The following IGFN1 variants were observed in gnomAD, a reference collection of about 807,000 sequenced individuals.
The protein encoded by IGFN1 is immunoglobulin like and fibronectin type III domain containing 1.
In IGFN1, 253 loss-of-function variants were observed where a neutral mutation model predicts 289.5. The observed-to-expected ratio is 0.87, with a 90% CI of 0.79 to 0.97. IGFN1 has a LOEUF of 0.97. Ranked by LOEUF, IGFN1 falls within the 50% of genes least tolerant of loss-of-function variation. IGFN1 has a pLI of 0.00. For missense variants in IGFN1, 4,470 were observed against 4,686.1 expected (o/e 0.95, Z 1.35); for synonymous variants, 1,706 against 1,788.5 (o/e 0.95, Z 1.16).
In IGFN1 at chr1:201,226,114, C is replaced by T. The variant is rs377747281; in HGVS notation, c.10777C>T (p.Arg3593Trp). Reference protein sequence around the residue: ...SDTSQPWCIPRQRDRFTVKAP... With the variant: ...SDTSQPWCIPWQRDRFTVKAP... ...CACCAGCCAGCCCTGGTGCATCCCC[C>T]GGCAGCGCGGTAAGCAGCCCCTGAG... Residue 3593 changes from arginine (R) to tryptophan (W), a missense_variant, in exon 22 of 24, where the codon CGG (arginine) becomes TGG (tryptophan). Coordinates refer to ENST00000335211, the MANE Select transcript of IGFN1 (RefSeq NM_001164586.2). The T allele has an allele frequency of 1.2e-4, 189 of 1,592,172 alleles. No homozygotes were observed. Among genetic ancestry groups the T allele is most frequent in the Non-Finnish European group, 1.6e-4 (183 of 1,167,386 alleles).
chr1:201,199,318 T>A lies in IGFN1; in HGVS notation c.368-16T>A. 1 of 1,551,608 alleles carries A rather than the reference T, an allele frequency of 6.4e-7. No homozygotes were observed. The highest frequency in any genetic ancestry group is 8.7e-7 in the Non-Finnish European group (1 of 1,146,692). The stretch of plus-strand genomic sequence containing the variant: ...TGTCCACATCGACTCCTTCCTCTCC[T>A]CCCTGGATGTTGCAGTTGGCTTTCG... On this transcript the variant is annotated splice_polypyrimidine_tract_variant and intron_variant, in intron 5 of 23. Coordinates refer to ENST00000335211, the MANE Select transcript of IGFN1 (RefSeq NM_001164586.2).
At chr1:201,194,363 G>T in intron 3 of IGFN1, 90 bp downstream of exon 3, 2 of 1,426,900 alleles carry the variant, frequency 1.4e-6, no homozygotes, top group Non-Finnish European at 1.9e-6. Context: ...CCTTCCTGGG[G>T]ACCCAGGCCC....
intron 3 of IGFN1, among the ~76,000 whole-genome samples, chr1:201,194,525 G>C (rs563717809): frequency 6.6e-6 from 1 of 152,324 alleles, no homozygotes; most frequent in Non-Finnish European, 1.5e-5. Context: ...GAAATATCTG[G>C]GGGGCAGGGA....
In IGFN1 at chr1:201,214,229, G is replaced by T; in HGVS notation, c.8781G>T (p.Gly2927=). Residue 2927 remains glycine (G), a synonymous_variant, in exon 13 of 24, where the codon GGG becomes GGT. Transcript: ENST00000335211. ...TGGCTGACATGGAAGTGCAGCCGGGGGAGGCCGCCACACTCTCCTGTACCC... is the reference window on the plus strand; with the variant it reads ...TGGCTGACATGGAAGTGCAGCCGGGTGAGGCCGCCACACTCTCCTGTACCC... ...QGLADMEVQP[G]EAATLSCTLT... The T allele has an allele frequency of 6.2e-7, 1 of 1,613,496 alleles. No homozygotes were observed. The highest frequency in any genetic ancestry group is 8.5e-7 in the Non-Finnish European group (1 of 1,179,638).
chr1:201,212,969 G>T lies in IGFN1; in HGVS notation c.8076G>T (p.Leu2692=), dbSNP rs1667900624. Residue 2692 remains leucine, a synonymous_variant, in exon 12 of 24, where the codon CTG becomes CTT. Transcript: ENST00000335211. ...GTGGATGCCGAAGCCCATGGTCCCT[G>T]GATAGCAAAGGTTCAAGTCCTGGAA... The part of the protein sequence containing the change: ...AAGGCRSPWS[L]DSKGSSPGRG... 1 of 1,551,424 alleles carries T rather than the reference G, an allele frequency of 6.4e-7. No individual in the cohort carries two copies. The highest frequency in any genetic ancestry group is 1.2e-5 in the South Asian group (1 of 84,064).
At position 201,208,239 on chromosome 1, in the gene IGFN1, A is replaced by C; in HGVS notation, c.3346A>C (p.Arg1116=). 6.5e-7 allele frequency: 1 copy of C among 1,536,510 alleles called. No homozygotes were observed. The highest frequency in any genetic ancestry group is 1.2e-5 in the South Asian group (1 of 84,040). The change falls in exon 12 of 24, where the codon AGG becomes CGG. Residue 1116 remains arginine (R), a synonymous_variant. Transcript: ENST00000335211. ...AGAACCAGAGAGCTCTGGAAGAATA[A>C]GGCCTTGGGGTCAGACTGGAAATTA... ...EAEPESSGRI[R]PWGQTGNYGG...
chr1:201,195,451 C>T (rs934480278), intron 3 of IGFN1, among the ~76,000 whole-genome samples: 2 of 152,170 alleles, frequency 1.3e-5, no homozygotes, highest in South Asian at 2.1e-4. Flanking sequence ...TGCGCCTGCC[C>T]GGAACTCACA....
At chr1:201,203,334 T>G (rs957066432) in intron 9 of IGFN1, among the ~76,000 whole-genome samples, 2 of 152,192 alleles carry the variant, frequency 1.3e-5, no homozygotes, top group African/African-American at 4.8e-5. Context: ...CTGATGTTAT[T>G]CTCTGCAAGT....
At position 201,227,012 on chromosome 1, in the gene IGFN1, C is replaced by A. The variant is rs777872846; in HGVS notation, c.10917C>A (p.Gly3639=). 12 of 1,613,442 alleles carry A rather than the reference C, an allele frequency of 7.4e-6. No homozygotes were observed. Among genetic ancestry groups the A allele is most frequent in the Admixed American group, 5.0e-5 (3 of 60,030 alleles). ...CECCMSCAVQ[G]SPRPHVTWFK... Reference sequence around the variant, plus strand: ...GCTGCATGAGCTGTGCCGTGCAGGGCTCGCCCCGGCCCCACGTCACCTGGT... The same window carrying A: ...GCTGCATGAGCTGTGCCGTGCAGGGATCGCCCCGGCCCCACGTCACCTGGT... Residue 3639 remains glycine, a synonymous_variant, in exon 23 of 24, where the codon GGC becomes GGA. Transcript: ENST00000335211.
intron 14 of IGFN1, 27 bp downstream of exon 14, chr1:201,215,181 C>CCCTGT: frequency 6.3e-7 from 1 of 1,595,580 alleles, no homozygotes; most frequent in Non-Finnish European, 8.5e-7. Context: ...CCCTGCCCTG[C>CCCTGT]CCTGTCCTGT....
At position 201,227,057 on chromosome 1, in the gene IGFN1, G is replaced by C. The variant is rs1187554765; in HGVS notation, c.10962G>C (p.Leu3654=). 2 of 1,613,548 alleles carry C rather than the reference G, an allele frequency of 1.2e-6. No homozygotes were observed. The highest frequency in any genetic ancestry group is 2.7e-5 in the African/African-American group (2 of 74,940). Residue 3654 remains leucine, a synonymous_variant, in exon 23 of 24, where the codon CTG becomes CTC. Coordinates refer to ENST00000335211, the MANE Select transcript of IGFN1 (RefSeq NM_001164586.2). ...HVTWFKNDRS[L]EGNPAVYSTD... is the part of the protein sequence containing the mutation. The stretch of plus-strand genomic sequence containing the variant: ...CCTGGTTCAAGAATGACCGCAGCCT[G>C]GAAGGAAACCCCGCGGTGTACAGCA...
chr1:201,193,265 C>T lies in IGFN1; in HGVS notation c.-29C>T. The T allele has an allele frequency of 6.6e-7, 1 of 1,520,278 alleles. No homozygotes were observed. Among genetic ancestry groups the T allele is most frequent in the Non-Finnish European group, 8.9e-7 (1 of 1,117,854 alleles). 94.2% of individuals were successfully genotyped at this position (1,520,278 alleles called of 1,614,324 possible). On this transcript the variant is annotated 5_prime_UTR_variant, in exon 2 of 24. Transcript: ENST00000335211. Reference sequence around the variant, plus strand: ...TTCTCAGGGTAATAGAACTTCTACCCTCAGAGGAGTCAAAGAGGAGGCAGA... The same window carrying T: ...TTCTCAGGGTAATAGAACTTCTACCTTCAGAGGAGTCAAAGAGGAGGCAGA...
At chr1:201,194,381 A>G in intron 3 of IGFN1, 108 bp downstream of exon 3, 1 of 1,237,044 alleles carries the variant, frequency 8.1e-7, no homozygotes, top group South Asian at 1.5e-5. Flanking sequence ...CCCTATATCC[A>G]TCACTAGGCC....
In IGFN1 at chr1:201,212,014, T is replaced by C; in HGVS notation, c.7121T>C (p.Ile2374Thr). The change falls in exon 12 of 24, where the codon ATA (isoleucine) becomes ACA (threonine). Residue 2374 changes from isoleucine (I) to threonine (T), a missense_variant. Coordinates refer to ENST00000335211, the MANE Select transcript of IGFN1 (RefSeq NM_001164586.2). ...RLGVPGSLAG[I>T]GHEAGPRGHK... is the part of the protein sequence containing the mutation. ...GGAGTACCAGGCTCACTGGCTGGAA[T>C]AGGACATGAGGCTGGACCCAGAGGC... The C allele has an allele frequency of 2.0e-6, 3 of 1,535,974 alleles. No homozygotes were observed. The highest frequency in any genetic ancestry group is 2.6e-6 in the Non-Finnish European group (3 of 1,146,626).
At position 201,221,538 on chromosome 1, in the gene IGFN1, T is replaced by A. The variant is rs1308500936; in HGVS notation, c.9993T>A (p.Asp3331Glu). Residue 3331 changes from aspartate to glutamate, a missense_variant, in exon 19 of 24, where the codon GAT becomes GAA. By Grantham distance (45) the Asp-to-Glu change is conservative. Around this residue, in one of 8 missense-constraint regions of IGFN1, gnomAD observed 2,218 missense variants for 2,114.1 expected, o/e 1.05. Coordinates refer to ENST00000335211, the MANE Select transcript of IGFN1 (RefSeq NM_001164586.2). ...CTGGGCCAGACACCCAGGAAGGGGA[T>A]GAAGCCCAGGGGTATGTGGTGGAGC... ...SWAGPDTQEG[D>E]EAQGYVVELC... The A allele has an allele frequency of 2.5e-6, 4 of 1,614,030 alleles. No individual in the cohort carries two copies. In the African/African-American group the frequency reaches 5.3e-5, roughly 22 times the overall value.
At position 201,224,070 on chromosome 1, in the gene IGFN1, G is replaced by A. The variant is rs1011085503; in HGVS notation, c.10291-609G>A. 4.9e-4 allele frequency among the ~76,000 whole-genome samples: 74 copies of A among 152,092 alleles called. 1 individual carries two copies. The highest frequency in any genetic ancestry group is 8.5e-4 in the Admixed American group (13 of 15,286). On this transcript the variant is annotated intron_variant, in intron 20 of 23. Transcript: ENST00000335211. ...TCAGTTAGTGACTATCAGCATCTTC[G>A]TTTGACTCTGGTGCCCACCGTGCCC...
At chr1:201,203,552 A>G (rs1572172818) in intron 9 of IGFN1, among the ~76,000 whole-genome samples, 186 bp from the exon 10 acceptor site, 1 of 152,140 alleles carries the variant, frequency 6.6e-6, no homozygotes, top group Non-Finnish European at 1.5e-5. Context: ...CCAGCTCACA[A>G]TCCCTGTTCC....
At chr1:201,216,042 T>C in intron 15 of IGFN1, 2 of 728,230 alleles carry the variant, frequency 2.7e-6, no homozygotes, top group Non-Finnish European at 5.0e-6. Flanking sequence ...GGGCTCCTGC[T>C]GGGGGGGAGG....
chr1:201,217,509 C>T, intron 17 of IGFN1, 49 bp downstream of exon 17: 2 of 1,587,430 alleles, frequency 1.3e-6, no homozygotes, highest in Non-Finnish European at 1.7e-6. Context: ...CTCCTGGCTC[C>T]AGGATCCCAG....
Sources: gnomAD v4.1 joint callset for allele counts (sites outside exome capture counted in the v4.1 genomes callset) on GRCh38, gnomAD v4.1.1 for gene constraint, gnomAD v4.1.1 regional missense constraint, MANE v1.5 for transcripts, NCBI Gene and HGNC (gene_info 2026-07-23, HGNC 2026-07-21) for gene names.